The following TRPC6 variants were observed in gnomAD, a reference collection of about 807,000 sequenced individuals.
TRPC6 encodes the protein transient receptor potential cation channel subfamily C member 6, also known as short transient receptor potential channel 6.
In TRPC6, 55 loss-of-function variants were observed where a neutral mutation model predicts 90.7. That is an observed-to-expected ratio of 0.61 (90% confidence interval 0.49 to 0.76). The LOEUF (loss-of-function observed/expected upper bound fraction) is 0.76, where lower values mean the gene tolerates loss of function less well. TRPC6 is among the 30% of genes least tolerant of loss of function. TRPC6 has a pLI of 0.00. For missense variants in TRPC6, 989 were observed against 1,122.7 expected (o/e 0.88, Z 1.70); for synonymous variants, 393 against 393.0 (o/e 1.00, Z 0.00).
At chr11:101,548,571 A>G (rs1446356241) in intron 1 of TRPC6, among the ~76,000 whole-genome samples, 5 of 146,756 alleles carry the variant, frequency 3.4e-5, no homozygotes, top group Non-Finnish European at 7.4e-5. Flanking sequence ...ATTTAACCAA[A>G]GTAAGAATCC....
chr11:101,573,334 C>A (rs1327294583), intron 1 of TRPC6, among the ~76,000 whole-genome samples: 1 of 152,014 alleles, frequency 6.6e-6, no homozygotes, highest in East Asian at 1.9e-4. Context: ...AGCAAACAAG[C>A]AAATAAACAA....
rs530116732 is a variant in TRPC6 at position 101,562,216 on chromosome 11, T to C, written c.170+21118A>G. On this transcript the variant is annotated intron_variant, in intron 1 of 12. Coordinates refer to ENST00000344327, the MANE Select transcript of TRPC6 (RefSeq NM_004621.6). ...TGGAAGAGAAAGAGACATAATTGAC[T>C]TAAAAATAAAGATGGTAACAGAAGA... is the stretch of plus-strand genomic sequence containing the variant. Among the ~76,000 whole-genome samples, 212 of 152,198 alleles carry C rather than the reference T, an allele frequency of 1.4e-3. 7 individuals are homozygous for C. The highest frequency in any genetic ancestry group is 0.014 in the Admixed American group (212 of 15,280).
rs568960085 is a variant in TRPC6 at position 101,558,110 on chromosome 11, C to T, written c.170+25224G>A. Among the ~76,000 whole-genome samples, 3 of 151,686 alleles carry T rather than the reference C, an allele frequency of 2.0e-5. No individual in the cohort carries two copies. In the South Asian group the frequency reaches 6.3e-4, roughly 32 times the overall value. Reference sequence around the variant, plus strand: ...GCAAAAAGAATAAAACTGAAGTTATCATACTACCTGACCTCAAAATCTAGC... The same window carrying T: ...GCAAAAAGAATAAAACTGAAGTTATTATACTACCTGACCTCAAAATCTAGC... On this transcript the variant is annotated intron_variant, in intron 1 of 12. Transcript: ENST00000344327.
intron 1 of TRPC6, among the ~76,000 whole-genome samples, chr11:101,516,319 T>C (rs769874872): frequency 5.9e-5 from 9 of 152,178 alleles, no homozygotes; most frequent in Non-Finnish European, 1.3e-4. Flanking sequence ...TTTATTATTG[T>C]GACGCACACA....
chr11:101,477,352 A>G (rs1036959656), intron 5 of TRPC6, among the ~76,000 whole-genome samples: 1 of 151,946 alleles, frequency 6.6e-6, no homozygotes. Flanking sequence ...CCTGTTGAAC[A>G]TTTAATCTTT....
intron 10 of TRPC6, among the ~76,000 whole-genome samples, chr11:101,458,446 G>C (rs191540635): frequency 2.6e-5 from 4 of 152,246 alleles, no homozygotes; most frequent in Non-Finnish European, 5.9e-5. Flanking sequence ...TTCAGAAGGT[G>C]GAACAGGGCA....
intron 1 of TRPC6, among the ~76,000 whole-genome samples, chr11:101,574,723 T>A (rs1163674840): frequency 2.0e-5 from 3 of 152,062 alleles, no homozygotes; most frequent in Non-Finnish European, 4.4e-5. Flanking sequence ...TACAAAATTC[T>A]GTTTCAAGAA....
intron 1 of TRPC6, among the ~76,000 whole-genome samples, chr11:101,539,432 G>A (rs995879696): frequency 3.3e-5 from 5 of 152,260 alleles, no homozygotes; most frequent in East Asian, 1.9e-4. Flanking sequence ...TTTCTCAGAC[G>A]CCACACTGAG....
In TRPC6 at chr11:101,482,703, C is replaced by T. The variant is rs529741639; in HGVS notation, c.1510+246G>A. ...TGTCACTGGTGGGATGTGATTGATACTACCCTGTTGGTTTTCTTCCTGGGT... is the reference window on the plus strand; with the variant it reads ...TGTCACTGGTGGGATGTGATTGATATTACCCTGTTGGTTTTCTTCCTGGGT... On this transcript the variant is annotated intron_variant, in intron 5 of 12. Coordinates refer to ENST00000344327, the MANE Select transcript of TRPC6 (RefSeq NM_004621.6). 1.1e-4 allele frequency among the ~76,000 whole-genome samples: 16 copies of T among 152,262 alleles called. No homozygotes were observed. The South Asian group carries it at 2.3e-3, about 22-fold the overall frequency.
At chr11:101,453,473 G>T (rs936741912) in intron 12 of TRPC6, among the ~76,000 whole-genome samples, 177 bp downstream of exon 12, 2 of 152,100 alleles carry the variant, frequency 1.3e-5, no homozygotes, top group Admixed American at 6.6e-5. Flanking sequence ...CCCCGCCTGT[G>T]GAGACATAGC....
intron 1 of TRPC6, among the ~76,000 whole-genome samples, chr11:101,513,486 C>T (rs1302123018): frequency 6.6e-6 from 1 of 152,002 alleles, no homozygotes; most frequent in Non-Finnish European, 1.5e-5. Flanking sequence ...AAAACACAAC[C>T]TGTTCCCAAA....
intron 1 of TRPC6, among the ~76,000 whole-genome samples, chr11:101,561,213 A>T (rs956564941): frequency 6.6e-6 from 1 of 152,140 alleles, no homozygotes; most frequent in Non-Finnish European, 1.5e-5. Context: ...TTCCTCCTAC[A>T]CTAATAATAT....
At chr11:101,581,500 A>T (rs1025917891) in intron 1 of TRPC6, among the ~76,000 whole-genome samples, 14 of 152,210 alleles carry the variant, frequency 9.2e-5, no homozygotes, top group Non-Finnish European at 1.6e-4. Context: ...TTACAGAATG[A>T]AAAAAGGTTT....
chr11:101,531,753 G>A (rs929686771), intron 1 of TRPC6, among the ~76,000 whole-genome samples: 13 of 152,128 alleles, frequency 8.5e-5, no homozygotes, highest in African/African-American at 2.9e-4. Context: ...CCCACTTCCA[G>A]TTAGTATTGA....
rs779045628 is a variant in TRPC6 at position 101,455,083 on chromosome 11, G to A, written c.2503C>T (p.Pro835Ser). 5 of 1,612,240 alleles carry A rather than the reference G, an allele frequency of 3.1e-6. No homozygotes were observed. The South Asian group carries it at 4.4e-5, about 14-fold the overall frequency. The change falls in exon 11 of 13, where the codon CCA becomes TCA. Residue 835 changes from proline to serine, a missense_variant. By Grantham distance (74) the Pro-to-Ser change is moderately conservative (BLOSUM62 -1). Transcript: ENST00000344327. ...DKKQVGHNKQ[P>S]SIRSSEDFHL... is the part of the protein sequence containing the mutation. Reference sequence around the variant, plus strand: ...AAATCTTCTGAGCTCCTTATACTTGGTTGTTTATTGTGCCCAACCTGTAAT... The same window carrying A: ...AAATCTTCTGAGCTCCTTATACTTGATTGTTTATTGTGCCCAACCTGTAAT...
At chr11:101,519,455 C>G (rs751473376) in intron 1 of TRPC6, among the ~76,000 whole-genome samples, 21 of 152,126 alleles carry the variant, frequency 1.4e-4, no homozygotes, top group Non-Finnish European at 4.4e-5. Context: ...TATTTACCTT[C>G]ATTTTCCACC....
intron 1 of TRPC6, among the ~76,000 whole-genome samples, chr11:101,520,281 G>T (rs1011315476): frequency 2.0e-5 from 3 of 152,090 alleles, no homozygotes; most frequent in Non-Finnish European, 2.9e-5. Context: ...TATGTAAGAA[G>T]TTCCTGCTTC....
chr11:101,488,024 A>G (rs1411806028), intron 4 of TRPC6, among the ~76,000 whole-genome samples: 1 of 152,202 alleles, frequency 6.6e-6, no homozygotes, highest in Non-Finnish European at 1.5e-5. Flanking sequence ...TTGAAAATGA[A>G]TCATGCCCAT....
intron 10 of TRPC6, among the ~76,000 whole-genome samples, chr11:101,457,864 T>C (rs1318057760): frequency 6.6e-6 from 1 of 152,208 alleles, no homozygotes. Flanking sequence ...CAAGAGCTAT[T>C]ATTTTACAGA....
Sources: gnomAD v4.1 joint callset for allele counts (sites outside exome capture counted in the v4.1 genomes callset) on GRCh38, gnomAD v4.1.1 for gene constraint, MANE v1.5 for transcripts, NCBI Gene and HGNC (gene_info 2026-07-23, HGNC 2026-07-21) for gene names.